Variants in SHC3 observed in about 807,000 individuals in gnomAD.
SHC3 encodes the protein SHC adaptor protein 3.
Under a neutral mutation model 60.4 loss-of-function variants are expected in SHC3, and 15 were observed. The ratio of observed to expected loss-of-function variants is 0.25; its 90% CI spans 0.17 to 0.38. The LOEUF (loss-of-function observed/expected upper bound fraction) is 0.38. Among genes scored for constraint, SHC3 ranks in the 10% least tolerant of loss-of-function variants. SHC3 has a pLI of 1.00. For synonymous variants in SHC3, 294 were observed against 325.9 expected (o/e 0.90, Z 1.05); for missense variants, 677 against 786.1 (o/e 0.86, Z 1.66).
At chr9:89,035,855 G>A (rs879375995) in intron 11 of SHC3, among the ~76,000 whole-genome samples, 49,727 of 90,656 alleles carry the variant, frequency 0.55, 12,519 homozygotes, top group East Asian at 0.96. Flanking sequence ...ATATAGATGT[G>A]TGTGTGTGTG....
intron 2 of SHC3, among the ~76,000 whole-genome samples, chr9:89,108,531 G>GCATATA (rs1825898580): frequency 6.7e-6 from 1 of 150,374 alleles, no homozygotes; most frequent in Non-Finnish European, 1.5e-5. Context: ...CAAAAAAAAT[G>GCATATA]CATATACATA....
At chr9:89,153,892 C>T (rs147910455) in intron 1 of SHC3, among the ~76,000 whole-genome samples, 212 of 152,334 alleles carry the variant, frequency 1.4e-3, no homozygotes, top group African/African-American at 5.1e-3. Context: ...CTTCAGTGAG[C>T]CTCTGCCACC....
intron 6 of SHC3, among the ~76,000 whole-genome samples, chr9:89,065,210 CAGG>C (rs1825158254): frequency 6.6e-6 from 1 of 152,114 alleles, no homozygotes; most frequent in South Asian, 2.1e-4. Flanking sequence ...TGAAGCTGGG[CAGG>C]AGGACAGGCA....
intron 11 of SHC3, among the ~76,000 whole-genome samples, chr9:89,027,421 G>A (rs530178068): frequency 1.4e-4 from 21 of 147,784 alleles, no homozygotes; most frequent in Admixed American, 3.4e-4. Context: ...CCGGGTTCAC[G>A]CCATTCTGCC....
At chr9:89,143,639 G>A (rs538892539) in intron 1 of SHC3, among the ~76,000 whole-genome samples, 3 of 152,262 alleles carry the variant, frequency 2.0e-5, no homozygotes, top group South Asian at 2.1e-4. Context: ...ACAGAGGGAT[G>A]GGGGTCCAAG....
intron 11 of SHC3, among the ~76,000 whole-genome samples, chr9:89,029,381 T>G (rs975976999): frequency 6.6e-6 from 1 of 151,826 alleles, no homozygotes; most frequent in Non-Finnish European, 1.5e-5. Flanking sequence ...AATTAAAAAT[T>G]TATAGAAAAA....
At chr9:89,164,374 T>A (rs1826754494) in intron 1 of SHC3, among the ~76,000 whole-genome samples, 1 of 152,106 alleles carries the variant, frequency 6.6e-6, no homozygotes, top group Non-Finnish European at 1.5e-5. Flanking sequence ...AGCATTATTT[T>A]AGGCCAAGAT....
At chr9:89,136,533 C>G (rs1258369773) in intron 1 of SHC3, among the ~76,000 whole-genome samples, 4 of 152,134 alleles carry the variant, frequency 2.6e-5, no homozygotes, top group Non-Finnish European at 5.9e-5. Context: ...GGAAGTTACC[C>G]TATATAAAAA....
chr9:89,126,701 G>A (rs1489369395), intron 1 of SHC3, among the ~76,000 whole-genome samples: 1 of 151,832 alleles, frequency 6.6e-6, no homozygotes, highest in African/African-American at 2.4e-5. Flanking sequence ...TTCTTTCTGT[G>A]CAAACCAGCT....
intron 10 of SHC3, among the ~76,000 whole-genome samples, chr9:89,039,459 AC>A (rs1385028666): frequency 1.3e-5 from 2 of 152,118 alleles, no homozygotes; most frequent in African/African-American, 4.8e-5. Flanking sequence ...TTTTCATCTG[AC>A]TTTTTTCCTG....
In SHC3 at chr9:89,178,353, C is replaced by G. The variant is rs371349438; in HGVS notation, c.108G>C (p.Ala36=). The G allele has an allele frequency of 6.3e-7, 1 of 1,594,228 alleles. No homozygotes were observed. The highest frequency in any genetic ancestry group is 1.7e-5 in the Admixed American group (1 of 58,434). Residue 36 remains alanine, a synonymous_variant, in exon 1 of 12, where the codon GCG becomes GCC. Coordinates refer to ENST00000375835, the MANE Select transcript of SHC3 (RefSeq NM_016848.6). This position sits in a 1 kb window ranked among gnomAD's most constrained non-coding sequence, Gnocchi z 6.9. The part of the protein sequence containing the change: ...SVSGGGGKVS[A]ARATPAAAPY... ...GAGCCGCCGCCGGGGTCGCGCGCGC[C>G]GCCGAAACCTTGCCTCCGCCGCCGC...
chr9:89,138,600 C>A lies in SHC3; in HGVS notation c.475-25974G>T, dbSNP rs1015431445. On this transcript the variant is annotated intron_variant, in intron 1 of 11. Transcript: ENST00000375835. ...TCTTGTGCCAAACTCCTGTCTCATC[C>A]TGTGACTTAGAATGCCTAACCGTCT... Among the ~76,000 whole-genome samples the A allele has an allele frequency of 2.0e-5, 3 of 152,300 alleles. No individual in the cohort carries two copies. The South Asian group carries it at 6.2e-4, about 32-fold the overall frequency.
chr9:89,150,077 A>T (rs1348772906), intron 1 of SHC3, among the ~76,000 whole-genome samples: 1 of 152,216 alleles, frequency 6.6e-6, no homozygotes, highest in Admixed American at 6.5e-5. Flanking sequence ...CTGACTTGTC[A>T]TCATAATTGT....
At chr9:89,127,637 C>T (rs1826183351) in intron 1 of SHC3, among the ~76,000 whole-genome samples, 1 of 151,992 alleles carries the variant, frequency 6.6e-6, no homozygotes, top group South Asian at 2.1e-4. Context: ...TATGAAAGGG[C>T]TTTGGTGTAT....
At chr9:89,161,283 G>A (rs1826702254) in intron 1 of SHC3, among the ~76,000 whole-genome samples, 1 of 152,180 alleles carries the variant, frequency 6.6e-6, no homozygotes, top group African/African-American at 2.4e-5. Flanking sequence ...ATTCTCGTGA[G>A]ATCTGGTCAT....
chr9:89,060,908 G>T (rs1199092556), intron 6 of SHC3, among the ~76,000 whole-genome samples: 1 of 152,060 alleles, frequency 6.6e-6, no homozygotes, highest in African/African-American at 2.4e-5. Context: ...AGTCGGGAAG[G>T]GGTTGCGGTT....
intron 11 of SHC3, 102 bp downstream of exon 11, chr9:89,037,891 G>A (rs957911844): frequency 7.2e-5 from 103 of 1,426,390 alleles, no homozygotes; most frequent in Admixed American, 1.0e-4. Flanking sequence ...AGGCACTTGT[G>A]GATAGAGGTG....
At chr9:89,129,319 T>G (rs951141730) in intron 1 of SHC3, among the ~76,000 whole-genome samples, 2 of 152,146 alleles carry the variant, frequency 1.3e-5, no homozygotes, top group African/African-American at 4.8e-5. Flanking sequence ...GGGAACCAAG[T>G]TGGAAAACAC....
intron 2 of SHC3, among the ~76,000 whole-genome samples, chr9:89,099,978 G>A (rs1451117647): frequency 6.6e-6 from 1 of 152,140 alleles, no homozygotes; most frequent in Non-Finnish European, 1.5e-5. Context: ...TTTTATCTGT[G>A]CATTTCCTAT....
Sources: gnomAD v4.1 joint callset for allele counts (sites outside exome capture counted in the v4.1 genomes callset) on GRCh38, gnomAD v4.1.1 for gene constraint, Gnocchi (gnomAD v3.1) non-coding constraint, MANE v1.5 for transcripts, NCBI Gene and HGNC (gene_info 2026-07-23, HGNC 2026-07-21) for gene names.